Variants in IFFO2 observed in about 807,000 individuals in gnomAD.
IFFO2 encodes the protein intermediate filament family orphan 2.
In IFFO2, 19 loss-of-function variants were observed where a neutral mutation model predicts 53.5. That is an observed-to-expected ratio of 0.36 (90% CI 0.25 to 0.52). IFFO2 has a LOEUF of 0.52. Among genes scored for constraint, IFFO2 ranks in the 20% least tolerant of loss-of-function variants. The pLI is 0.94. For synonymous variants in IFFO2, 303 were observed against 313.6 expected (o/e 0.97, Z 0.36); for missense variants, 570 against 727.4 (o/e 0.78, Z 2.49).
At position 18,911,366 on chromosome 1, in the gene IFFO2, C is replaced by A; in HGVS notation, c.1317+18G>T. Reference sequence around the variant, plus strand: ...TCAGGAGAGCCTCACGAGTGGGCTCCACGTCCCGAGCCCTCACCTCGATCT... The same window carrying A: ...TCAGGAGAGCCTCACGAGTGGGCTCAACGTCCCGAGCCCTCACCTCGATCT... On this transcript the variant is annotated intron_variant, in intron 7 of 8. Transcript: ENST00000455833. 7.2e-7 allele frequency: 1 copy of A among 1,388,928 alleles called. No individual in the cohort carries two copies. Among genetic ancestry groups the A allele is most frequent in the Non-Finnish European group, 9.7e-7 (1 of 1,030,330 alleles). The allele number at this position is 1,388,928 out of a possible 1,614,324, so 86.0% of individuals were successfully genotyped here.
intron 1 of IFFO2, among the ~76,000 whole-genome samples, chr1:18,944,065 G>A (rs1001745069): frequency 6.6e-6 from 1 of 152,176 alleles, no homozygotes; most frequent in African/African-American, 2.4e-5. Flanking sequence ...AAAATACCTG[G>A]GTTCCGGCCC....
rs1936331003 is a variant in IFFO2, at chr1:18,928,389, T to G, written c.666-7268A>C. Among the ~76,000 whole-genome samples, 1 of 152,170 alleles carries G rather than the reference T, an allele frequency of 6.6e-6. No homozygotes were observed. The highest frequency in any genetic ancestry group is 2.1e-4 in the South Asian group (1 of 4,832). On this transcript the variant is annotated intron_variant, in intron 1 of 8. Coordinates refer to ENST00000455833, the MANE Select transcript of IFFO2 (RefSeq NM_001136265.2). The surrounding 1 kb of genome is among the most constrained non-coding windows in gnomAD (Gnocchi z 4.9). Reference sequence around the variant, plus strand: ...TTGTCTCCACGGAGGAGGTATTAATTTAATGTGAACACTTAACCAGGGCAG... The same window carrying G: ...TTGTCTCCACGGAGGAGGTATTAATGTAATGTGAACACTTAACCAGGGCAG...
chr1:18,951,307 C>T (rs1936656985), intron 1 of IFFO2, among the ~76,000 whole-genome samples: 1 of 152,154 alleles, frequency 6.6e-6, no homozygotes, highest in South Asian at 2.1e-4. Context: ...AAAAGCCCAC[C>T]TGAAAGCCAC....
rs1936447301 is a variant in IFFO2, at chr1:18,936,384, C to T, written c.666-15263G>A. 6.6e-6 allele frequency among the ~76,000 whole-genome samples: 1 copy of T among 152,210 alleles called. No individual in the cohort carries two copies. Among genetic ancestry groups the T allele is most frequent in the Admixed American group, 6.5e-5 (1 of 15,288 alleles). On this transcript the variant is annotated intron_variant, in intron 1 of 8. Coordinates refer to ENST00000455833, the MANE Select transcript of IFFO2 (RefSeq NM_001136265.2). This position sits in a 1 kb window ranked among gnomAD's most constrained non-coding sequence, Gnocchi z 4.5. ...TCTTTCTGCCTAGGCCTGGCCAAGCCCCCATGGACCCTCCACCCCATCCCC... is the reference window on the plus strand; with the variant it reads ...TCTTTCTGCCTAGGCCTGGCCAAGCTCCCATGGACCCTCCACCCCATCCCC...
intron 1 of IFFO2, among the ~76,000 whole-genome samples, chr1:18,945,284 G>A (rs1936572451): frequency 6.6e-6 from 1 of 151,872 alleles, no homozygotes; most frequent in Admixed American, 6.6e-5. Context: ...TTTGCAACAA[G>A]CTTTCCCTAA....
chr1:18,934,017 T>C (rs1002744689), intron 1 of IFFO2, among the ~76,000 whole-genome samples: 4 of 151,144 alleles, frequency 2.6e-5, no homozygotes, highest in Non-Finnish European at 4.4e-5. Flanking sequence ...TAGAATCAGA[T>C]AGTATCTGTC....
At chr1:18,912,190 TG>T (rs1936051350) in intron 5 of IFFO2, 107 bp from the exon 6 acceptor site, 2 of 1,385,908 alleles carry the variant, frequency 1.4e-6, no homozygotes, top group African/African-American at 1.4e-5. Context: ...GCTTCAAGGC[TG>T]TCCTCAGGAA....
At position 18,928,811 on chromosome 1, in the gene IFFO2, G is replaced by A. The variant is rs1411535688; in HGVS notation, c.666-7690C>T. ...ATAATAGGATCTCCCAAAATCCCTC[G>A]GGACATGACATTTGCAGTGTTATTT... On this transcript the variant is annotated intron_variant, in intron 1 of 8. Transcript: ENST00000455833. The surrounding 1 kb of genome is among the most constrained non-coding windows in gnomAD (Gnocchi z 4.9). Among the ~76,000 whole-genome samples, 3 of 152,088 alleles carry A rather than the reference G, an allele frequency of 2.0e-5. No homozygotes were observed. The highest frequency in any genetic ancestry group is 6.5e-5 in the Admixed American group (1 of 15,268).
chr1:18,915,110 A>G (rs1179887592), intron 5 of IFFO2, among the ~76,000 whole-genome samples: 7 of 152,188 alleles, frequency 4.6e-5, no homozygotes, highest in African/African-American at 1.7e-4. Flanking sequence ...TCTTCCAGGC[A>G]TGGCGTGGGG....
At chr1:18,945,770 C>T (rs965126191) in intron 1 of IFFO2, among the ~76,000 whole-genome samples, 7 of 152,258 alleles carry the variant, frequency 4.6e-5, no homozygotes, top group African/African-American at 1.4e-4. Flanking sequence ...CTCCTCTCCC[C>T]AGAACCCCCA....
At chr1:18,925,693 T>C (rs1936273292) in intron 1 of IFFO2, among the ~76,000 whole-genome samples, 1 of 152,236 alleles carries the variant, frequency 6.6e-6, no homozygotes. Flanking sequence ...CTTGCTACTG[T>C]ATTCCCTGCA....
chr1:18,932,879 A>G (rs1485432770), intron 1 of IFFO2, among the ~76,000 whole-genome samples: 2 of 152,156 alleles, frequency 1.3e-5, no homozygotes, highest in Non-Finnish European at 1.5e-5. Flanking sequence ...CCAATTCGGC[A>G]CCATATCCCA....
At chr1:18,930,560 A>G (rs1936362876) in intron 1 of IFFO2, among the ~76,000 whole-genome samples, 1 of 152,162 alleles carries the variant, frequency 6.6e-6, no homozygotes, top group East Asian at 1.9e-4. Context: ...CCATAGACAT[A>G]CCCCAGGAAC....
At chr1:18,933,700 G>A (rs1251312016) in intron 1 of IFFO2, among the ~76,000 whole-genome samples, 1 of 152,196 alleles carries the variant, frequency 6.6e-6, no homozygotes, top group East Asian at 1.9e-4. Context: ...CAAGGCTGCA[G>A]TGAGCCAAGA....
In IFFO2 at chr1:18,916,922, T is replaced by G; in HGVS notation, c.1084A>C (p.Lys362Gln). ...ACTCACAGCTGGTTAAACATGCGCT[T>G]CATCTCATCGGTGATGTTCATGGAG... ...VGSMNITDEM[K>Q]RMFNQLRETF... is the part of the protein sequence containing the mutation. The change falls in exon 5 of 9, where the codon AAG (lysine) becomes CAG (glutamine). Residue 362 changes from lysine (K) to glutamine (Q), a missense_variant. Lys to Gln is a moderately conservative substitution (Grantham distance 53). Transcript: ENST00000455833. The surrounding 1 kb of genome is among the most constrained non-coding windows in gnomAD (Gnocchi z 4.3). 6.4e-7 allele frequency: 1 copy of G among 1,551,836 alleles called. No individual in the cohort carries two copies. Among genetic ancestry groups the G allele is most frequent in the African/African-American group, 1.4e-5 (1 of 73,160 alleles).
Position 18,947,305 on chromosome 1 carries a change from C to G in IFFO2, c.665+8363G>C, listed in dbSNP as rs751894540. 6.6e-6 allele frequency among the ~76,000 whole-genome samples: 1 copy of G among 152,210 alleles called. No homozygotes were observed. Among genetic ancestry groups the G allele is most frequent in the East Asian group, 1.9e-4 (1 of 5,200 alleles). On this transcript the variant is annotated intron_variant, in intron 1 of 8. Transcript: ENST00000455833. This position sits in a 1 kb window ranked among gnomAD's most constrained non-coding sequence, Gnocchi z 5.0. ...CCGAGGCCCTCTGCTGCTGGTGATC[C>G]GTGGATGAGAACCTCGGGCTGGCTG...
chr1:18,942,246 T>C (rs1936530859), intron 1 of IFFO2, among the ~76,000 whole-genome samples: 2 of 152,212 alleles, frequency 1.3e-5, no homozygotes, highest in African/African-American at 4.8e-5. Flanking sequence ...GAACTTTGCC[T>C]AGAATGTTGG....
intron 1 of IFFO2, among the ~76,000 whole-genome samples, chr1:18,943,625 C>G (rs1383480286): frequency 6.6e-6 from 1 of 152,208 alleles, no homozygotes; most frequent in African/African-American, 2.4e-5. Flanking sequence ...CTGTGGGTAT[C>G]ATCATCCCAT....
At chr1:18,955,389 G>A (rs753659564) in intron 1 of IFFO2, among the ~76,000 whole-genome samples, 11 of 152,220 alleles carry the variant, frequency 7.2e-5, no homozygotes, top group Non-Finnish European at 1.5e-4. Flanking sequence ...AATTAAATGA[G>A]ATCGCATAAA....
Sources: allele counts gnomAD v4.1 joint callset (sites outside exome capture counted in the v4.1 genomes callset), GRCh38; gene constraint gnomAD v4.1.1; non-coding constraint Gnocchi (gnomAD v3.1); transcripts MANE v1.5; gene names NCBI Gene and HGNC (gene_info 2026-07-23, HGNC 2026-07-21).